WDR41: variants seen among roughly 807,000 people sequenced by gnomAD.
WDR41 encodes WD repeat domain 41, also known as WD repeat-containing protein 41.
WDR41 carries 63 observed loss-of-function variants against 69.3 expected under a neutral mutation model. The observed-to-expected ratio is 0.91, with a 90% CI of 0.74 to 1.12. WDR41 has a LOEUF of 1.12. Ranked by LOEUF, WDR41 falls within the 50% of genes most tolerant of loss-of-function variation. The pLI is 0.00. For synonymous variants in WDR41, 185 were observed against 192.1 expected (o/e 0.96, Z 0.31); for missense variants, 543 against 534.5 (o/e 1.02, Z -0.16).
intron 2 of WDR41, among the ~76,000 whole-genome samples, chr5:77,486,492 T>C (rs966791992): frequency 6.6e-6 from 1 of 152,224 alleles, no homozygotes; most frequent in Non-Finnish European, 1.5e-5. Flanking sequence ...GTCAAGTTTA[T>C]TTACCCACTC....
chr5:77,492,444 T>C (rs934278170), upstream of WDR41: 15 of 488,672 alleles, frequency 3.1e-5, no homozygotes, highest in East Asian at 3.6e-5. Context: ...GGGCAGTCGC[T>C]TGGGGTGCGG....
chr5:77,446,002 C>T (rs1799366193), intron 8 of WDR41, among the ~76,000 whole-genome samples: 2 of 152,132 alleles, frequency 1.3e-5, no homozygotes, highest in Non-Finnish European at 2.9e-5. Flanking sequence ...TTGCAGATGA[C>T]ATGATTGTAT....
At chr5:77,442,372 A>C (rs1431462539) in intron 8 of WDR41, among the ~76,000 whole-genome samples, 1 of 152,158 alleles carries the variant, frequency 6.6e-6, no homozygotes, top group Non-Finnish European at 1.5e-5. Flanking sequence ...AACAATATAA[A>C]CTTAGATATG....
chr5:77,497,947 TAG>T (rs1354494784), intron 1 of WDR41, among the ~76,000 whole-genome samples: 1 of 152,162 alleles, frequency 6.6e-6, no homozygotes, highest in African/African-American at 2.4e-5. Context: ...TTCTACAACA[TAG>T]ATGGGCCTTG....
chr5:77,446,382 C>T (rs1799379766), intron 8 of WDR41, among the ~76,000 whole-genome samples: 1 of 152,144 alleles, frequency 6.6e-6, no homozygotes, highest in Non-Finnish European at 1.5e-5. Context: ...CTATTCCCAT[C>T]AAACTACTAT....
intron 1 of WDR41, among the ~76,000 whole-genome samples, chr5:77,574,568 T>C (rs569142470): frequency 6.6e-6 from 1 of 152,350 alleles, no homozygotes; most frequent in Admixed American, 6.5e-5. Flanking sequence ...ATTTCTCATA[T>C]TGAAGACTCT....
chr5:77,485,179 A>G (rs1178326078), intron 2 of WDR41, among the ~76,000 whole-genome samples: 2 of 152,144 alleles, frequency 1.3e-5, no homozygotes, highest in East Asian at 1.9e-4. Context: ...AACCTATTGC[A>G]TGCTTAGTGT....
intron 1 of WDR41, among the ~76,000 whole-genome samples, chr5:77,594,334 C>A (rs1456805032): frequency 6.6e-6 from 1 of 151,490 alleles, no homozygotes; most frequent in Admixed American, 6.6e-5. Context: ...TTAATGGGTG[C>A]AGCACACCAA....
chr5:77,542,239 G>A (rs541073307), intron 1 of WDR41, among the ~76,000 whole-genome samples: 1 of 152,098 alleles, frequency 6.6e-6, no homozygotes, highest in South Asian at 2.1e-4. Context: ...ATGGACACAT[G>A]GGGGAGAAGA....
At chr5:77,475,833 C>T (rs1041209184) in intron 2 of WDR41, among the ~76,000 whole-genome samples, 2 of 152,164 alleles carry the variant, frequency 1.3e-5, no homozygotes, top group African/African-American at 4.8e-5. Flanking sequence ...ATGACTTTGA[C>T]AAGCTGAGAG....
chr5:77,511,937 G>A (rs1225487982), intron 1 of WDR41, among the ~76,000 whole-genome samples: 1 of 151,980 alleles, frequency 6.6e-6, no homozygotes. Context: ...TCAGTAATAT[G>A]TATTATAATT....
chr5:77,537,465 T>C (rs1389571678), intron 1 of WDR41, among the ~76,000 whole-genome samples: 1 of 152,088 alleles, frequency 6.6e-6, no homozygotes, highest in Non-Finnish European at 1.5e-5. Flanking sequence ...TGCAGCAGGG[T>C]AGGTATAATG....
chr5:77,448,432 T>C (rs373953784), intron 8 of WDR41, among the ~76,000 whole-genome samples: 9 of 152,222 alleles, frequency 5.9e-5, no homozygotes, highest in African/African-American at 2.2e-4. Context: ...AGATGGCTAT[T>C]TGGGAGGAAG....
upstream of WDR41, among the ~76,000 whole-genome samples, chr5:77,495,162 A>G (rs1050607850): frequency 6.6e-6 from 1 of 152,098 alleles, no homozygotes; most frequent in Non-Finnish European, 1.5e-5. Flanking sequence ...ATAGGTATAA[A>G]TGTCTACATT....
At chr5:77,570,966 C>T (rs1342493142) in intron 1 of WDR41, among the ~76,000 whole-genome samples, 2 of 151,186 alleles carry the variant, frequency 1.3e-5, no homozygotes, top group African/African-American at 4.9e-5. Flanking sequence ...AAACTCAGTT[C>T]ACAGTGTTTT....
rs1743388335 is a variant in WDR41 at position 77,556,152 on chromosome 5, G to T, written c.42+64327C>A. Among the ~76,000 whole-genome samples, 14 of 125,902 alleles carry T rather than the reference G, an allele frequency of 1.1e-4. 1 individual carries two copies. In the Admixed American group the frequency reaches 1.5e-3, roughly 13 times the overall value. The allele number at this position is 125,902 out of a possible 152,430, so 82.6% of individuals were successfully genotyped here. ...TGGAGTCTCTCTCTGTTGCCAGGCT[G>T]AAGTGCAGTGGTGCGATCTCGGCCC... On this transcript the variant is annotated intron_variant, in intron 1 of 5. Transcript: ENST00000509971.
chr5:77,559,810 G>A (rs951906182), intron 1 of WDR41, among the ~76,000 whole-genome samples: 4 of 152,014 alleles, frequency 2.6e-5, no homozygotes, highest in African/African-American at 4.8e-5. Flanking sequence ...CCATGCTACT[G>A]AATTGTTTTG....
chr5:77,480,588 A>G (rs1440849461), intron 2 of WDR41, among the ~76,000 whole-genome samples: 1 of 150,862 alleles, frequency 6.6e-6, no homozygotes, highest in Non-Finnish European at 1.5e-5. Context: ...AAAACCAAAC[A>G]CCACATATTC....
intron 1 of WDR41, among the ~76,000 whole-genome samples, chr5:77,591,729 C>T (rs1334525842): frequency 6.6e-6 from 1 of 152,102 alleles, no homozygotes; most frequent in African/African-American, 2.4e-5. Flanking sequence ...TTGAATTCTA[C>T]TTTAATTCTG....
Sources: allele counts gnomAD v4.1 joint callset (sites outside exome capture counted in the v4.1 genomes callset), GRCh38; gene constraint gnomAD v4.1.1; transcripts MANE v1.5; gene names NCBI Gene and HGNC (gene_info 2026-07-23, HGNC 2026-07-21).